Variants in CADM1 observed in about 807,000 individuals in gnomAD.
The protein encoded by CADM1 is TSLC-1.
Under a neutral mutation model 53.1 loss-of-function variants are expected in CADM1, and 15 were observed. That is an observed-to-expected ratio of 0.28 (90% confidence interval 0.19 to 0.44). The LOEUF (loss-of-function observed/expected upper bound fraction) is 0.44. CADM1 is among the 20% of genes least tolerant of loss of function. The pLI is 1.00. For missense variants in CADM1, 434 were observed against 611.3 expected, an observed-to-expected ratio of 0.71 and a Z score of 3.06; for synonymous variants, 281 against 243.0, an observed-to-expected ratio of 1.16 and a Z score of -1.45.
At chr11:115,251,746 T>C (rs1398084253) in intron 1 of CADM1, among the ~76,000 whole-genome samples, 1 of 152,214 alleles carries the variant, frequency 6.6e-6, no homozygotes, top group African/African-American at 2.4e-5. Flanking sequence ...GTTTTTTGTT[T>C]GTTTATTAGT....
chr11:115,209,377 G>A (rs182920117), intron 8 of CADM1, among the ~76,000 whole-genome samples, 197 bp downstream of exon 8: 3 of 152,264 alleles, frequency 2.0e-5, no homozygotes, highest in African/African-American at 7.2e-5. Context: ...AATATCTGAC[G>A]TACTGTTAAA....
chr11:115,392,852 A>C, intron 1 of CADM1, among the ~76,000 whole-genome samples: 1 of 152,070 alleles, frequency 6.6e-6, no homozygotes, highest in Admixed American at 6.6e-5. Context: ...TTACAATAGC[A>C]AAATTCTGGA....
At chr11:115,308,163 G>A (rs1159049065) in intron 1 of CADM1, among the ~76,000 whole-genome samples, 2 of 142,722 alleles carry the variant, frequency 1.4e-5, no homozygotes, top group African/African-American at 5.4e-5. Flanking sequence ...GTGTGTGTGT[G>A]TGTGTGTGTG....
At chr11:115,196,219 C>G (rs1465785566) in intron 9 of CADM1, among the ~76,000 whole-genome samples, 1 of 152,042 alleles carries the variant, frequency 6.6e-6, no homozygotes, top group Non-Finnish European at 1.5e-5. Context: ...AAAGAGATCA[C>G]CTTCTCTTTC....
At position 115,173,776 on chromosome 11, in the gene CADM1, T is replaced by C. The variant is rs970157415; in HGVS notation, c.*2698A>G. 3 of 984,180 alleles carry C rather than the reference T, an allele frequency of 3.0e-6. No individual in the cohort carries two copies. The highest frequency in any genetic ancestry group is 2.4e-6 in the Non-Finnish European group (2 of 829,052). The allele number at this position is 984,180 out of a possible 1,614,324, so 61.0% of individuals were successfully genotyped here. A position where few individuals can be genotyped will look rare whatever the true frequency, so the allele number is the denominator to read the frequency against. On this transcript the variant is annotated 3_prime_UTR_variant, in exon 12 of 12. Coordinates refer to ENST00000331581, the MANE Select transcript of CADM1 (RefSeq NM_001301043.2). ...ATATGGAGTTTCTTACACTGTAACA[T>C]TGTCCATGTACACCTTAAAAACAGA...
intron 5 of CADM1, among the ~76,000 whole-genome samples, chr11:115,226,485 C>A (rs1368895802): frequency 6.6e-6 from 1 of 152,196 alleles, no homozygotes; most frequent in African/African-American, 2.4e-5. Flanking sequence ...GAACTGCTGA[C>A]TTCAACGGCA....
At position 115,196,595 on chromosome 11, in the gene CADM1, T is replaced by TAAAAAAAAAAAA. The variant is rs61694033; in HGVS notation, c.1111+1799_1111+1810dup. ...ACACTAACAATGATAGCTGATGAACTAAAAAAAAAAAAAAAAAAAAAAAAA... is the reference window on the plus strand; with the variant it reads ...ACACTAACAATGATAGCTGATGAACTAAAAAAAAAAAAAAAAAAAAAAAAAAAAAAAAAAAAA... On this transcript the variant is annotated intron_variant, in intron 9 of 11. Coordinates refer to ENST00000331581, the MANE Select transcript of CADM1 (RefSeq NM_001301043.2). Among the ~76,000 whole-genome samples, 12 of 76,872 alleles carry TAAAAAAAAAAAA rather than the reference T, an allele frequency of 1.6e-4. 1 individual carries two copies. The highest frequency in any genetic ancestry group is 1.5e-3 in the South Asian group (2 of 1,334). 50.4% of individuals were successfully genotyped at this position (76,872 alleles called of 152,430 possible).
intron 1 of CADM1, among the ~76,000 whole-genome samples, chr11:115,449,933 T>A (rs1488756790): frequency 1.3e-5 from 2 of 152,170 alleles, no homozygotes; most frequent in Admixed American, 1.3e-4. Flanking sequence ...CCATATCTCT[T>A]TATAGGAAAT....
At chr11:115,383,516 C>T (rs1043433667) in intron 1 of CADM1, among the ~76,000 whole-genome samples, 1 of 152,324 alleles carries the variant, frequency 6.6e-6, no homozygotes. Context: ...TACTGACATT[C>T]ATTCCAAGTG....
chr11:115,254,860 C>T (rs538492628), intron 1 of CADM1, among the ~76,000 whole-genome samples: 1 of 152,140 alleles, frequency 6.6e-6, no homozygotes, highest in Non-Finnish European at 1.5e-5. Flanking sequence ...GGAATTTGCA[C>T]TGTATCTTGT....
intron 6 of CADM1, among the ~76,000 whole-genome samples, chr11:115,216,710 G>A (rs1284814657): frequency 1.3e-5 from 2 of 152,178 alleles, no homozygotes; most frequent in African/African-American, 4.8e-5. Context: ...CACATGGTTA[G>A]CACAGAGGGA....
chr11:115,328,369 C>T (rs918129905), intron 1 of CADM1, among the ~76,000 whole-genome samples: 3 of 151,844 alleles, frequency 2.0e-5, no homozygotes, highest in African/African-American at 4.8e-5. Context: ...ATTTAATGGG[C>T]GAGAAACAGT....
intron 1 of CADM1, among the ~76,000 whole-genome samples, chr11:115,361,002 C>T (rs1374305196): frequency 1.3e-5 from 2 of 152,174 alleles, no homozygotes; most frequent in Admixed American, 6.5e-5. Flanking sequence ...ATGTTTTAAA[C>T]TATCATTTAC....
At chr11:115,477,753 C>T (rs1949167745) in intron 1 of CADM1, among the ~76,000 whole-genome samples, 1 of 152,238 alleles carries the variant, frequency 6.6e-6, no homozygotes, top group Admixed American at 6.5e-5. Context: ...ACTGGCTGCA[C>T]TGGAGAAGTG....
At chr11:115,308,175 G>GTGTGTATATA (rs1353212174) in intron 1 of CADM1, among the ~76,000 whole-genome samples, 17 of 117,454 alleles carry the variant, frequency 1.4e-4, no homozygotes, top group African/African-American at 5.6e-4. Context: ...GTGTGTGTGT[G>GTGTGTATATA]TATATCACTC....
intron 1 of CADM1, among the ~76,000 whole-genome samples, chr11:115,328,185 C>T (rs1023081130): frequency 6.6e-6 from 1 of 151,950 alleles, no homozygotes; most frequent in African/African-American, 2.4e-5. Context: ...TGAAGACACC[C>T]AGAACGAAAA....
At chr11:115,202,639 A>G (rs1370108464) in intron 8 of CADM1, among the ~76,000 whole-genome samples, 2 of 152,186 alleles carry the variant, frequency 1.3e-5, no homozygotes, top group Non-Finnish European at 2.9e-5. Flanking sequence ...AAGCATACTA[A>G]GCAGTTAGAC....
chr11:115,426,161 C>T (rs909949200), intron 1 of CADM1, among the ~76,000 whole-genome samples: 5 of 152,132 alleles, frequency 3.3e-5, no homozygotes, highest in African/African-American at 7.2e-5. Context: ...CTCCCAAACA[C>T]GAATTTTCTT....
chr11:115,180,444 T>G (rs1565281045), intron 10 of CADM1, among the ~76,000 whole-genome samples: 1 of 151,932 alleles, frequency 6.6e-6, no homozygotes, highest in East Asian at 1.9e-4. Context: ...GGAGGCAGAG[T>G]GCACTGCAGC....
Sources: allele counts gnomAD v4.1 joint callset (sites outside exome capture counted in the v4.1 genomes callset), GRCh38; gene constraint gnomAD v4.1.1; transcripts MANE v1.5; gene names NCBI Gene and HGNC (gene_info 2026-07-23, HGNC 2026-07-21).